Variants in PBK observed in about 807,000 individuals in gnomAD.
PBK encodes the protein lymphokine-activated killer T-cell-originated protein kinase.
A neutral mutation model predicts 33.5 loss-of-function variants in PBK; 22 were observed. The ratio of observed to expected loss-of-function variants is 0.66; its 90% CI spans 0.47 to 0.94. PBK has a LOEUF of 0.94. PBK is among the 40% of genes least tolerant of loss of function. PBK has a pLI of 0.00. For missense variants in PBK, 376 were observed against 383.4 expected (o/e 0.98, Z 0.16); for synonymous variants, 129 against 123.8 (o/e 1.04, Z -0.28).
At position 27,822,424 on chromosome 8, in the gene PBK, TTCACC is replaced by T; in HGVS notation, c.355_359del (p.Gly119LysfsTer5). On this transcript the variant is annotated frameshift_variant, in exon 5 of 8. Transcript: ENST00000301905. LOFTEE classifies it high-confidence loss of function. ...CTTCTATTAAGTCATTTAGAGACTT[TTCACC>T]TCCATATTCCATAGCAAGACACAGA... is the stretch of plus-strand genomic sequence containing the variant. 3 of 1,612,204 alleles carry T rather than the reference TTCACC, an allele frequency of 1.9e-6. No individual in the cohort carries two copies. Among genetic ancestry groups the T allele is most frequent in the Non-Finnish European group, 2.5e-6 (3 of 1,178,430 alleles).
At chr8:27,817,271 T>C (rs67837877) in intron 6 of PBK, among the ~76,000 whole-genome samples, 23,904 of 152,004 alleles carry the variant, frequency 0.16, 2,390 homozygotes, top group East Asian at 0.37. Context: ...ACCTTCAGCA[T>C]AAACCCAGGG....
chr8:27,820,550 A>G lies in PBK; in HGVS notation c.595+15T>C. ...TATTAAAAACAAAATTTTAAAACTT[A>G]AGAGTACAACTTACCAGTCATATTT... On this transcript the variant is annotated intron_variant, in intron 6 of 7. Coordinates refer to ENST00000301905, the MANE Select transcript of PBK (RefSeq NM_018492.4). The G allele has an allele frequency of 6.7e-7, 1 of 1,490,376 alleles. No individual in the cohort carries two copies. Among genetic ancestry groups the G allele is most frequent in the African/African-American group, 1.4e-5 (1 of 70,748 alleles). The allele number at this position is 1,490,376 out of a possible 1,614,324, so 92.3% of individuals were successfully genotyped here.
intron 1 of PBK, 79 bp from the exon 2 acceptor site, chr8:27,833,212 C>A: frequency 2.7e-6 from 2 of 731,688 alleles, no homozygotes; most frequent in South Asian, 1.9e-5. Context: ...ATGCCAATAG[C>A]CAGGCGCAGT....
At chr8:27,832,967 G>A (rs1031274062) in intron 2 of PBK, 89 bp downstream of exon 2, 12 of 718,306 alleles carry the variant, frequency 1.7e-5, no homozygotes, top group Non-Finnish European at 2.8e-5. Context: ...CTAAGTGACC[G>A]ATAATAAAGG....
At chr8:27,820,864 C>CAT (rs1363728871) in intron 5 of PBK, among the ~76,000 whole-genome samples, 170 bp from the exon 6 acceptor site, 1 of 149,656 alleles carries the variant, frequency 6.7e-6, no homozygotes, top group African/African-American at 2.5e-5. Context: ...CACTCTGTTG[C>CAT]CCAGGCTGGC....
intron 2 of PBK, among the ~76,000 whole-genome samples, chr8:27,829,312 A>G (rs1289494225): frequency 6.6e-6 from 1 of 150,722 alleles, no homozygotes; most frequent in East Asian, 2.4e-4. Flanking sequence ...CCTGTAACAC[A>G]TAGTAAAGTC....
In PBK at chr8:27,827,532, T is replaced by A. The variant is rs139285043; in HGVS notation, c.152+573A>T. ...AGAGTGAGACTCTGTTTCAAAAAAATATATGAATAATAAAAAAGTAATTTA... is the reference window on the plus strand; with the variant it reads ...AGAGTGAGACTCTGTTTCAAAAAAAAATATGAATAATAAAAAAGTAATTTA... On this transcript the variant is annotated intron_variant, in intron 3 of 7. Transcript: ENST00000301905. Among the ~76,000 whole-genome samples the A allele has an allele frequency of 7.8e-3, 1,192 of 152,212 alleles. 14 individuals carry two copies. Among genetic ancestry groups the A allele is most frequent in the African/African-American group, 0.027 (1,127 of 41,512 alleles).
intron 1 of PBK, 55 bp from the exon 2 acceptor site, chr8:27,833,188 A>C: frequency 2.1e-6 from 2 of 950,050 alleles, no homozygotes; most frequent in Non-Finnish European, 3.2e-6. Flanking sequence ...TACAACTCTC[A>C]TTCATGAAGA....
At chr8:27,830,828 T>G (rs1312062900) in intron 2 of PBK, among the ~76,000 whole-genome samples, 1 of 152,152 alleles carries the variant, frequency 6.6e-6, no homozygotes. Flanking sequence ...CCATTTATAA[T>G]AAACTCAATT....
At chr8:27,817,084 G>A in intron 6 of PBK, among the ~76,000 whole-genome samples, 1 of 152,160 alleles carries the variant, frequency 6.6e-6, no homozygotes, top group Non-Finnish European at 1.5e-5. Context: ...CATATGCCTG[G>A]TGTAGTAGCT....
At chr8:27,814,601 C>T (rs1363510064) in intron 6 of PBK, among the ~76,000 whole-genome samples, 3 of 152,040 alleles carry the variant, frequency 2.0e-5, no homozygotes, top group Non-Finnish European at 4.4e-5. Flanking sequence ...GAACATAGGT[C>T]ATTGATTTAG....
intron 6 of PBK, 75 bp from the exon 7 acceptor site, chr8:27,811,209 C>A: frequency 1.5e-6 from 2 of 1,297,214 alleles, no homozygotes; most frequent in Non-Finnish European, 2.2e-6. Flanking sequence ...GGGAAACAGG[C>A]GAACGATTTG....
intron 1 of PBK, among the ~76,000 whole-genome samples, chr8:27,835,670 G>A (rs570094130): frequency 1.3e-5 from 2 of 152,126 alleles, no homozygotes; most frequent in South Asian, 2.1e-4. Flanking sequence ...TCCTGCCTCA[G>A]CCTCCCAAGT....
chr8:27,819,587 T>A (rs1169006983), intron 6 of PBK, among the ~76,000 whole-genome samples: 1 of 152,100 alleles, frequency 6.6e-6, no homozygotes, highest in East Asian at 1.9e-4. Context: ...CTATTCATAC[T>A]TTTTATAATT....
At position 27,810,962 on chromosome 8, in the gene PBK, A is replaced by T; in HGVS notation, c.768T>A (p.Asp256Glu). Residue 256 changes from aspartate (D) to glutamate (E), a missense_variant, in exon 7 of 8, where the codon GAT becomes GAA. Asp to Glu is a conservative substitution (Grantham distance 45). Coordinates refer to ENST00000301905, the MANE Select transcript of PBK (RefSeq NM_018492.4). ...PHINLSNDDD[D>E]EDKTFDESDF... is the part of the protein sequence containing the mutation. ...TGTTAGAAATTGTATTCATACCTTCATCATCATCATCATTTGAAAGATTAA... is the reference window on the plus strand; with the variant it reads ...TGTTAGAAATTGTATTCATACCTTCTTCATCATCATCATTTGAAAGATTAA... 6.7e-7 allele frequency: 1 copy of T among 1,497,616 alleles called. No individual in the cohort carries two copies. The highest frequency in any genetic ancestry group is 9.3e-7 in the Non-Finnish European group (1 of 1,076,270). 92.8% of individuals were successfully genotyped at this position (1,497,616 alleles called of 1,614,324 possible).
Position 27,825,653 on chromosome 8 carries a change from A to G in PBK, c.153-2448T>C, listed in dbSNP as rs187162774. Among the ~76,000 whole-genome samples, 27 of 152,280 alleles carry G rather than the reference A, an allele frequency of 1.8e-4. No homozygotes were observed. In the East Asian group the frequency reaches 5.2e-3, roughly 29 times the overall value. On this transcript the variant is annotated intron_variant, in intron 3 of 7. Coordinates refer to ENST00000301905, the MANE Select transcript of PBK (RefSeq NM_018492.4). ...ATCACCATATGCATACTAAATGCTC[A>G]ATGAGTTTTTACATGTGCATATACC... is the stretch of plus-strand genomic sequence containing the variant.
At chr8:27,812,150 C>T (rs1805699368) in intron 6 of PBK, 1 of 152,238 alleles carries the variant, frequency 6.6e-6, no homozygotes, top group African/African-American at 2.4e-5. Context: ...GTCTTGTTCC[C>T]TACTTCAGTA....
intron 2 of PBK, among the ~76,000 whole-genome samples, chr8:27,829,806 A>G (rs1157302444): frequency 2.1e-5 from 3 of 144,930 alleles, no homozygotes; most frequent in East Asian, 4.3e-4. Context: ...GGCGGAGGTT[A>G]CAGTGAGCTG....
Position 27,810,298 on chromosome 8 carries a change from A to G in PBK, c.*7T>C, listed in dbSNP as rs1182433685. Reference sequence around the variant, plus strand: ...TTACGCAAGCCACACTTCAGCTGAGATGATCACTAGACATCTGTTTCCAGA... The same window carrying G: ...TTACGCAAGCCACACTTCAGCTGAGGTGATCACTAGACATCTGTTTCCAGA... On this transcript the variant is annotated 3_prime_UTR_variant, in exon 8 of 8. Coordinates refer to ENST00000301905, the MANE Select transcript of PBK (RefSeq NM_018492.4). 6.3e-7 allele frequency: 1 copy of G among 1,595,568 alleles called. No individual in the cohort carries two copies. The highest frequency in any genetic ancestry group is 8.6e-7 in the Non-Finnish European group (1 of 1,164,182).
Sources: allele counts gnomAD v4.1 joint callset (sites outside exome capture counted in the v4.1 genomes callset), GRCh38; gene constraint gnomAD v4.1.1; transcripts MANE v1.5; gene names NCBI Gene and HGNC (gene_info 2026-07-23, HGNC 2026-07-21).